The following PLCG2 variants were observed in gnomAD, a reference collection of about 807,000 sequenced individuals.
PLCG2 encodes the protein 1-phosphatidylinositol 4,5-bisphosphate phosphodiesterase gamma-2.
Under a neutral mutation model 175.6 loss-of-function variants are expected in PLCG2, and 69 were observed. The ratio of observed to expected loss-of-function variants is 0.39; its 90% CI spans 0.32 to 0.48. PLCG2 has a LOEUF of 0.48. Ranked by LOEUF, PLCG2 falls within the 20% of genes least tolerant of loss-of-function variation. The pLI is 0.91. For synonymous variants in PLCG2, 827 were observed against 624.0 expected (o/e 1.33, Z -4.85); for missense variants, 1,798 against 1,650.9 (o/e 1.09, Z -1.54).
At chr16:81,805,757 G>GTTTT (rs1911978295) in intron 2 of PLCG2, among the ~76,000 whole-genome samples, 1 of 60,218 alleles carries the variant, frequency 1.7e-5, no homozygotes, top group African/African-American at 7.8e-5. Context: ...TGAGAGTAGT[G>GTTTT]TTTTGTTTTG....
Position 81,827,203 on chromosome 16 carries a change from T to TG in PLCG2, c.194-27237dup, listed in dbSNP as rs397855204. ...GAGGATTGCTGGGTTTTTTTTTTTT[T>TG]GGGGACAGGGTCTCACTCTGCCACT... On this transcript the variant is annotated intron_variant, in intron 2 of 32. Coordinates refer to ENST00000564138, the MANE Select transcript of PLCG2 (RefSeq NM_002661.5). 6.2e-3 allele frequency among the ~76,000 whole-genome samples: 936 copies of TG among 151,646 alleles called. 9 individuals are homozygous for TG. Among genetic ancestry groups the TG allele is most frequent in the Middle Eastern group, 0.014 (4 of 294 alleles).
chr16:81,867,918 C>G lies in PLCG2; in HGVS notation c.480-1296C>G, dbSNP rs896779972. On this transcript the variant is annotated intron_variant, in intron 5 of 32. Transcript: ENST00000564138. ...GTTTCACCGTGTTAGCCAGGATGGT[C>G]TCGATCCTCTGACCTCGTGATCCGC... is the stretch of plus-strand genomic sequence containing the variant. Among the ~76,000 whole-genome samples the G allele has an allele frequency of 1.4e-4, 21 of 152,298 alleles. 1 individual carries two copies. The highest frequency in any genetic ancestry group is 4.6e-4 in the African/African-American group (19 of 41,560).
chr16:81,779,253 C>A (rs1263468147), upstream of PLCG2: 1 of 151,024 alleles, frequency 6.6e-6, no homozygotes, highest in Non-Finnish European at 1.5e-5. Context: ...CGGGGGGCGG[C>A]CCCCGAGGAT....
At chr16:81,861,475 G>T (rs1906977006) in intron 5 of PLCG2, among the ~76,000 whole-genome samples, 1 of 152,186 alleles carries the variant, frequency 6.6e-6, no homozygotes, top group South Asian at 2.1e-4. Flanking sequence ...GTAATGTTAG[G>T]TCAGCCATTA....
chr16:81,940,229 G>T (rs748651657), intron 30 of PLCG2, among the ~76,000 whole-genome samples, 170 bp downstream of exon 30: 2 of 152,196 alleles, frequency 1.3e-5, no homozygotes, highest in Non-Finnish European at 2.9e-5. Context: ...TAGCACACAG[G>T]TGGGAGGAAG....
At chr16:81,776,549 A>G (rs1910412838), upstream of PLCG2, among the ~76,000 whole-genome samples, 1 of 152,170 alleles carries the variant, frequency 6.6e-6, no homozygotes, top group African/African-American at 2.4e-5. Context: ...TGCCGCCTTG[A>G]TGATGACGAC....
chr16:81,851,210 C>G lies in PLCG2; in HGVS notation c.194-3234C>G, dbSNP rs112714222. On this transcript the variant is annotated intron_variant, in intron 2 of 32. Transcript: ENST00000564138. ...GAAATAATTTTAGACTCTTGTGGAC[C>G]TGGCAAAAATAGTACAGTTTCTGTG... Among the ~76,000 whole-genome samples, 389 of 152,292 alleles carry G rather than the reference C, an allele frequency of 2.6e-3. 3 individuals are homozygous for G. The highest frequency in any genetic ancestry group is 9.0e-3 in the African/African-American group (372 of 41,554).
chr16:81,788,791 G>A (rs1192661758), intron 2 of PLCG2, among the ~76,000 whole-genome samples: 2 of 152,210 alleles, frequency 1.3e-5, no homozygotes, highest in Non-Finnish European at 2.9e-5. Flanking sequence ...CTTTGGAACT[G>A]CCCATGTGGA....
intron 8 of PLCG2, among the ~76,000 whole-genome samples, chr16:81,882,738 C>T (rs148215775): frequency 6.6e-6 from 1 of 151,860 alleles, no homozygotes; most frequent in Non-Finnish European, 1.5e-5. Context: ...TTGCTCACCC[C>T]ACCTCATTCT....
At chr16:81,858,196 A>T in intron 3 of PLCG2, 67 bp from the exon 4 acceptor site, 2 of 1,100,720 alleles carry the variant, frequency 1.8e-6, no homozygotes, top group Non-Finnish European at 2.8e-6. Flanking sequence ...TGTATGGGGC[A>T]GGGCTTTGTA....
At chr16:81,926,171 C>A (rs1597136712) in intron 22 of PLCG2, among the ~76,000 whole-genome samples, 1 of 152,178 alleles carries the variant, frequency 6.6e-6, no homozygotes, top group East Asian at 1.9e-4. Context: ...GACGACGGGC[C>A]AGCTGGAGTC....
chr16:81,898,573 T>C (rs1809325907), intron 13 of PLCG2: 7 of 152,156 alleles, frequency 4.6e-5, no homozygotes, highest in Admixed American at 4.6e-4. Context: ...TTCATTTCTA[T>C]TGAGTGACGT....
At chr16:81,838,273 G>A (rs1432002892) in intron 2 of PLCG2, among the ~76,000 whole-genome samples, 3 of 152,086 alleles carry the variant, frequency 2.0e-5, no homozygotes. Context: ...TTTTAGTAGA[G>A]ATGGGGTTTC....
At chr16:81,839,052 C>T (rs1905682646) in intron 2 of PLCG2, among the ~76,000 whole-genome samples, 1 of 152,030 alleles carries the variant, frequency 6.6e-6, no homozygotes, top group African/African-American at 2.4e-5. Context: ...CAGCAGACAA[C>T]TATTTCTAGG....
chr16:81,934,652 T>C (rs918329493), intron 26 of PLCG2, 121 bp downstream of exon 26: 12 of 687,876 alleles, frequency 1.7e-5, no homozygotes, highest in Non-Finnish European at 2.6e-5. Flanking sequence ...TCCCAGTAGA[T>C]GGCCCCACCT....
intron 1 of PLCG2, among the ~76,000 whole-genome samples, chr16:81,747,645 T>C (rs971494126): frequency 1.3e-5 from 2 of 152,224 alleles, no homozygotes; most frequent in Admixed American, 1.3e-4. Flanking sequence ...TGTATCCATA[T>C]ACTGGAATAC....
rs1906420688 is a variant in PLCG2 at position 81,851,698 on chromosome 16, A to C, written c.194-2746A>C. ...CAGCTACTTTTTGTATTCTTACTAG[A>C]GATGGGGTTTCACCTTGTTGGCCAG... On this transcript the variant is annotated intron_variant, in intron 2 of 32. Coordinates refer to ENST00000564138, the MANE Select transcript of PLCG2 (RefSeq NM_002661.5). 2.0e-5 allele frequency among the ~76,000 whole-genome samples: 3 copies of C among 152,216 alleles called. 1 individual carries two copies. The South Asian group carries it at 6.2e-4, about 32-fold the overall frequency.
Position 81,774,286 on chromosome 16 carries a change from G to A in PLCG2, c.-47-11657G>A, listed in dbSNP as rs575349685. 5.0e-4 allele frequency among the ~76,000 whole-genome samples: 75 copies of A among 151,310 alleles called. No homozygotes were observed. The South Asian group carries it at 0.015, about 30-fold the overall frequency. On this transcript the variant is annotated intron_variant, in intron 2 of 5. Coordinates refer to the PLCG2 transcript ENST00000565054. ...AATCACTTGAGCCCAGGAGGCAGAG[G>A]TTGCAGTGAGCTGAGATCCAACCAC...
chr16:81,811,286 C>T (rs1303530373), intron 2 of PLCG2, among the ~76,000 whole-genome samples: 6 of 152,012 alleles, frequency 3.9e-5, no homozygotes, highest in South Asian at 2.1e-4. Flanking sequence ...GACTAGAGAT[C>T]GGGTATGTAA....
Sources: allele counts gnomAD v4.1 joint callset (sites outside exome capture counted in the v4.1 genomes callset), GRCh38; gene constraint gnomAD v4.1.1; transcripts MANE v1.5; gene names NCBI Gene and HGNC (gene_info 2026-07-23, HGNC 2026-07-21).